The following TMEM132A variants were observed in gnomAD, a reference collection of about 807,000 sequenced individuals.
The protein encoded by TMEM132A is GRP78-binding protein.
A neutral mutation model predicts 69.9 loss-of-function variants in TMEM132A; 48 were observed. That is an observed-to-expected ratio of 0.69 (90% CI 0.55 to 0.87). TMEM132A has a LOEUF of 0.87. TMEM132A is among the 40% of genes least tolerant of loss of function. The pLI is 0.00. For missense variants in TMEM132A, 1,287 were observed against 1,407.2 expected (o/e 0.91, Z 1.37); for synonymous variants, 577 against 613.7 (o/e 0.94, Z 0.88).
chr11:60,925,747 G>A (rs628632), intron 1 of TMEM132A: 39,749 of 152,214 alleles, frequency 0.26, 5,834 homozygotes, highest in East Asian at 0.65. Context: ...CTAATAGAGA[G>A]AGGAGGAAAA....
chr11:60,927,544 C>A, intron 2 of TMEM132A, 97 bp from the exon 3 acceptor site: 3 of 1,408,814 alleles, frequency 2.1e-6, no homozygotes, highest in Non-Finnish European at 1.9e-6. Context: ...GAAACTGAGG[C>A]CCATAAAGGT....
rs1388054848 is a variant in TMEM132A, at chr11:60,924,476, T to C, written c.-158T>C. On this transcript the variant is annotated 5_prime_UTR_variant, in exon 1 of 11. Transcript: ENST00000453848. ...TCCCACCCCACTGCTCCCGCTCCAT[T>C]GTCTGGGAATTGCAGCCGCGGGGCG... 3 of 418,836 alleles carry C rather than the reference T, an allele frequency of 7.2e-6. No homozygotes were observed. Among genetic ancestry groups the C allele is most frequent in the Non-Finnish European group, 1.2e-5 (3 of 251,198 alleles). The allele number at this position is 418,836 out of a possible 1,614,324, so 25.9% of individuals were successfully genotyped here. A position where few individuals can be genotyped will look rare whatever the true frequency, so the allele number is the denominator to read the frequency against.
chr11:60,937,109 A>G lies in TMEM132A; in HGVS notation c.*202A>G. ...TCGTGAGGAAGGGCTCATGCCCCTT[A>G]TTTATGGGAACCATTTCATTCTAAC... On this transcript the variant is annotated 3_prime_UTR_variant, in exon 11 of 11. Coordinates refer to ENST00000453848, the MANE Select transcript of TMEM132A (RefSeq NM_178031.3). 6.8e-7 allele frequency: 1 copy of G among 1,480,326 alleles called. No homozygotes were observed. The highest frequency in any genetic ancestry group is 9.0e-7 in the Non-Finnish European group (1 of 1,108,604). The allele number at this position is 1,480,326 out of a possible 1,614,324, so 91.7% of individuals were successfully genotyped here.
At position 60,933,699 on chromosome 11, in the gene TMEM132A, C is replaced by T; in HGVS notation, c.1514C>T (p.Thr505Ile). Residue 505 changes from threonine (T) to isoleucine (I), a missense_variant, in exon 8 of 11, where the codon ACC (threonine) becomes ATC (isoleucine). Transcript: ENST00000453848. ...CTGCGTATCGAGCTCACCGACACCA[C>T]CCTCGAGCAGGTCCGCGGCTGGAGG... ...LPLRIELTDTTLEQVRGWRVP... is the reference protein window; with the variant it reads ...LPLRIELTDTILEQVRGWRVP... 6.2e-7 allele frequency: 1 copy of T among 1,601,018 alleles called. No homozygotes were observed. Among genetic ancestry groups the T allele is most frequent in the Non-Finnish European group, 8.5e-7 (1 of 1,175,826 alleles).
chr11:60,934,357 G>T, intron 8 of TMEM132A, 131 bp from the exon 9 acceptor site: 2 of 855,718 alleles, frequency 2.3e-6, no homozygotes, highest in Non-Finnish European at 3.2e-6. Context: ...GCGGATGTCT[G>T]CGTTTGAGAA....
intron 3 of TMEM132A, among the ~76,000 whole-genome samples, chr11:60,928,328 A>T (rs1279824057): frequency 1.3e-5 from 2 of 152,258 alleles, no homozygotes; most frequent in African/African-American, 4.8e-5. Context: ...AGAAGACTGG[A>T]TTCTAGGCAG....
chr11:60,932,315 C>G, intron 7 of TMEM132A, 188 bp downstream of exon 7: 2 of 631,622 alleles, frequency 3.2e-6, no homozygotes, highest in Admixed American at 3.7e-5. Flanking sequence ...GTCAAGTAAC[C>G]CTAACAGCCC....
At chr11:60,934,375 C>A in intron 8 of TMEM132A, 113 bp from the exon 9 acceptor site, 1 of 983,280 alleles carries the variant, frequency 1.0e-6, no homozygotes, top group Non-Finnish European at 1.4e-6. Flanking sequence ...GAAACAGGAG[C>A]TGCTGGTGAT....
chr11:60,934,555 T>A lies in TMEM132A; in HGVS notation c.1627T>A (p.Tyr543Asn). 6.6e-7 allele frequency: 1 copy of A among 1,519,410 alleles called. No homozygotes were observed. The highest frequency in any genetic ancestry group is 1.2e-5 in the South Asian group (1 of 81,596). 94.1% of individuals were successfully genotyped at this position (1,519,410 alleles called of 1,614,324 possible). The change falls in exon 9 of 11, where the codon TAC becomes AAC. Residue 543 changes from tyrosine (Y) to asparagine (N), a missense_variant. Transcript: ENST00000453848. ...ERRARGCHLQ[Y>N]QRAGVRFLAP... ...GCGCGCCCGTGGCTGCCACCTGCAG[T>A]ACCAGCGGGCCGGTGTGCGCTTCCT...
chr11:60,926,875 G>A (rs1404225821), intron 1 of TMEM132A, among the ~76,000 whole-genome samples: 2 of 152,190 alleles, frequency 1.3e-5, no homozygotes, highest in African/African-American at 2.4e-5. Context: ...TATCAGAGGC[G>A]AGTAGATGGA....
Position 60,931,715 on chromosome 11 carries a change from G to T in TMEM132A, c.1043G>T (p.Trp348Leu). 1 of 1,614,004 alleles carries T rather than the reference G, an allele frequency of 6.2e-7. No individual in the cohort carries two copies. The highest frequency in any genetic ancestry group is 1.1e-5 in the South Asian group (1 of 91,050). The change falls in exon 6 of 11, where the codon TGG becomes TTG. Residue 348 changes from tryptophan to leucine, a missense_variant. Physicochemically the swap from Trp to Leu is moderately conservative, Grantham distance 61. Transcript: ENST00000453848. Reference sequence around the variant, plus strand: ...CCCCTTGAACTGTCTGAGTTCCTATGGGTGGACTTTGTGGTGGAGAATAGC... The same window carrying T: ...CCCCTTGAACTGTCTGAGTTCCTATTGGTGGACTTTGTGGTGGAGAATAGC... ...SSPLELSEFL[W>L]VDFVVENSTG...
At chr11:60,931,628 T>C in intron 5 of TMEM132A, 61 bp from the exon 6 acceptor site, 1 of 1,509,320 alleles carries the variant, frequency 6.6e-7, no homozygotes, top group Non-Finnish European at 9.0e-7. Context: ...ATGCAGGAAG[T>C]GCTGAGGCCA....
In TMEM132A at chr11:60,928,969, C is replaced by T. The variant is rs1417512641; in HGVS notation, c.866+9C>T. ...AGCCTCCTGACCCTGCGGTGAGCAC[C>T]AGGCCACGGGGATGGGTGAGGGTGG... On this transcript the variant is annotated intron_variant, in intron 4 of 10. Coordinates refer to ENST00000453848, the MANE Select transcript of TMEM132A (RefSeq NM_178031.3). The T allele has an allele frequency of 6.2e-7, 1 of 1,611,550 alleles. No individual in the cohort carries two copies. The highest frequency in any genetic ancestry group is 1.1e-5 in the South Asian group (1 of 91,082).
chr11:60,931,857 C>T lies in TMEM132A; in HGVS notation c.1185C>T (p.Asp395=), dbSNP rs970581350. 3 of 1,614,212 alleles carry T rather than the reference C, an allele frequency of 1.9e-6. No individual in the cohort carries two copies. The East Asian group carries it at 6.7e-5, about 36-fold the overall frequency. The part of the protein sequence containing the change: ...MVWEILVSER[D]IRALIPLAKA... ...GGGAAATCCTGGTGTCTGAGCGGGA[C>T]ATCAGAGCCCTTATCCCACTGGCCA... Residue 395 remains aspartate (D), a synonymous_variant, in exon 6 of 11, where the codon GAC becomes GAT. Coordinates refer to ENST00000453848, the MANE Select transcript of TMEM132A (RefSeq NM_178031.3).
In TMEM132A at chr11:60,936,823, C is replaced by T. The variant is rs766849006; in HGVS notation, c.2988C>T (p.Asp996=). ...CCATCCTTGTGGCAGGCGAGGAGGA[C>T]ATCCGCTGGGTGTGTGAGGACATGG... ...VQSILVAGEE[D]IRWVCEDMGL... is the part of the protein sequence containing the mutation. The change falls in exon 11 of 11, where the codon GAC becomes GAT. Residue 996 remains aspartate (D), a synonymous_variant. Coordinates refer to ENST00000453848, the MANE Select transcript of TMEM132A (RefSeq NM_178031.3). 3.0e-5 allele frequency: 48 copies of T among 1,612,632 alleles called. 1 individual carries two copies. The South Asian group carries it at 5.3e-4, about 18-fold the overall frequency.
rs760593541 is a variant in TMEM132A, at chr11:60,936,461, C to G, written c.2626C>G (p.Gln876Glu). The change falls in exon 11 of 11, where the codon CAG becomes GAG. Residue 876 changes from glutamine (Q) to glutamate (E), a missense_variant. Coordinates refer to ENST00000453848, the MANE Select transcript of TMEM132A (RefSeq NM_178031.3). ...VNGVVFVLRY[Q>E]RKEPPDSATD... is the part of the protein sequence containing the mutation. ...TGGTGTGGTCTTCGTCCTGCGCTAT[C>G]AGCGCAAAGAACCTCCCGACAGTGC... 3 of 1,614,160 alleles carry G rather than the reference C, an allele frequency of 1.9e-6. No homozygotes were observed. The highest frequency in any genetic ancestry group is 1.1e-5 in the South Asian group (1 of 91,086).
At chr11:60,933,926 A>C (rs1856535560) in intron 8 of TMEM132A, 182 bp downstream of exon 8, 1 of 600,788 alleles carries the variant, frequency 1.7e-6, no homozygotes, top group African/African-American at 1.9e-5. Flanking sequence ...GAAATTGCTG[A>C]CTTCCGCATC....
In TMEM132A at chr11:60,936,978, G is replaced by A. The variant is rs1158595416; in HGVS notation, c.*71G>A. ...GGAGGTCCCACTGAGCCTCTCGCCT[G>A]CCCCCGCCACTCGTCTGGTGCTTGT... On this transcript the variant is annotated 3_prime_UTR_variant, in exon 11 of 11. Transcript: ENST00000453848. The A allele has an allele frequency of 7.4e-7, 1 of 1,357,462 alleles. No homozygotes were observed. The highest frequency in any genetic ancestry group is 1.5e-5 in the South Asian group (1 of 64,778). The allele number at this position is 1,357,462 out of a possible 1,614,324, so 84.1% of individuals were successfully genotyped here.
At position 60,935,930 on chromosome 11, in the gene TMEM132A, C is replaced by T. The variant is rs773170460; in HGVS notation, c.2095C>T (p.Arg699Cys). Residue 699 changes from arginine (R) to cysteine (C), a missense_variant, in exon 11 of 11, where the codon CGC (arginine) becomes TGC (cysteine). Physicochemically the swap from Arg to Cys is radical, Grantham distance 180 (BLOSUM62 -3). Transcript: ENST00000453848. This position sits in a 1 kb window ranked among gnomAD's most constrained non-coding sequence, Gnocchi z 5.0. ...HTVAPAELYD[R>C]RDLGLSVSAE... Reference sequence around the variant, plus strand: ...TGTGGCCCCAGCTGAGCTCTACGACCGCCGTGACCTGGGACTGTCCGTCTC... The same window carrying T: ...TGTGGCCCCAGCTGAGCTCTACGACTGCCGTGACCTGGGACTGTCCGTCTC... 5.0e-6 allele frequency: 8 copies of T among 1,612,030 alleles called. No homozygotes were observed. Among genetic ancestry groups the T allele is most frequent in the African/African-American group, 2.7e-5 (2 of 74,962 alleles).
Sources: gnomAD v4.1 joint callset for allele counts (sites outside exome capture counted in the v4.1 genomes callset) on GRCh38, gnomAD v4.1.1 for gene constraint, Gnocchi (gnomAD v3.1) non-coding constraint, MANE v1.5 for transcripts, NCBI Gene and HGNC (gene_info 2026-07-23, HGNC 2026-07-21) for gene names.